PBX3: variants seen among roughly 807,000 people sequenced by gnomAD.
PBX3 encodes pre-B-cell leukemia transcription factor 3.
Under a neutral mutation model 48.5 loss-of-function variants are expected in PBX3, and 14 were observed. The observed-to-expected ratio is 0.29, with a 90% confidence interval of 0.19 to 0.45. The LOEUF (loss-of-function observed/expected upper bound fraction) is 0.45. Ranked by LOEUF, PBX3 falls within the 20% of genes least tolerant of loss-of-function variation. PBX3 has a pLI of 1.00. For synonymous variants in PBX3, 210 were observed against 200.3 expected, an observed-to-expected ratio of 1.05 and a Z score of -0.41; for missense variants, 386 against 546.7, an observed-to-expected ratio of 0.71 and a Z score of 2.93.
intron 5 of PBX3, among the ~76,000 whole-genome samples, chr9:125,952,460 A>C (rs1406588013): frequency 1.3e-5 from 2 of 152,248 alleles, no homozygotes; most frequent in East Asian, 3.8e-4. Context: ...TTGAAACATA[A>C]GATACAATTA....
chr9:125,871,752 T>C (rs1201471405), intron 2 of PBX3, among the ~76,000 whole-genome samples: 2 of 152,194 alleles, frequency 1.3e-5, no homozygotes, highest in Admixed American at 1.3e-4. Flanking sequence ...AGTTTTACTT[T>C]AAAAAAGCTT....
intron 5 of PBX3, among the ~76,000 whole-genome samples, chr9:125,937,345 C>G (rs1490738312): frequency 6.6e-6 from 1 of 151,842 alleles, no homozygotes; most frequent in East Asian, 1.9e-4. Context: ...AACCCACTTA[C>G]CAGTGTGTTT....
intron 2 of PBX3, among the ~76,000 whole-genome samples, chr9:125,791,347 C>CTATCTA (rs1311668136): frequency 6.6e-6 from 1 of 151,036 alleles, no homozygotes; most frequent in African/African-American, 2.5e-5. Flanking sequence ...ATCTATCTAT[C>CTATCTA]TCTGTCAATC....
At chr9:125,857,611 T>C (rs917457950) in intron 2 of PBX3, among the ~76,000 whole-genome samples, 1 of 152,254 alleles carries the variant, frequency 6.6e-6, no homozygotes, top group African/African-American at 2.4e-5. Flanking sequence ...AGTGATATTA[T>C]CTTTATTGTT....
intron 5 of PBX3, among the ~76,000 whole-genome samples, chr9:125,941,470 G>C (rs1183905513): frequency 6.6e-6 from 1 of 152,210 alleles, no homozygotes; most frequent in Non-Finnish European, 1.5e-5. Flanking sequence ...AGGGAAAGCA[G>C]AGCTATCAGT....
intron 2 of PBX3, among the ~76,000 whole-genome samples, chr9:125,840,471 T>C (rs1414661909): frequency 6.6e-6 from 1 of 151,118 alleles, no homozygotes; most frequent in Non-Finnish European, 1.5e-5. Context: ...TTATTACTTA[T>C]ATATGCTTCT....
intron 5 of PBX3, among the ~76,000 whole-genome samples, chr9:125,953,476 CAAA>C (rs35262454): frequency 6.9e-6 from 1 of 144,844 alleles, no homozygotes; most frequent in African/African-American, 2.6e-5. Flanking sequence ...GACCCTGTCT[CAAA>C]AAAAAAAAAA....
intron 5 of PBX3, among the ~76,000 whole-genome samples, chr9:125,939,251 C>T (rs1841907523): frequency 6.6e-6 from 1 of 151,800 alleles, no homozygotes; most frequent in African/African-American, 2.4e-5. Flanking sequence ...TAAGGAACTC[C>T]TATAAATTAA....
chr9:125,929,462 C>CA (rs1178614205), intron 3 of PBX3, among the ~76,000 whole-genome samples, 193 bp from the exon 4 acceptor site: 2 of 152,204 alleles, frequency 1.3e-5, no homozygotes, highest in East Asian at 3.8e-4. Flanking sequence ...CACGTCTGAC[C>CA]ATGCACGGTT....
At chr9:125,873,602 CAAAG>C (rs1840179757) in intron 2 of PBX3, among the ~76,000 whole-genome samples, 2 of 149,548 alleles carry the variant, frequency 1.3e-5, no homozygotes, top group Non-Finnish European at 2.9e-5. Flanking sequence ...ATTCTCAAGT[CAAAG>C]AAATTGTGGA....
At chr9:125,845,874 T>G (rs1839414359) in intron 2 of PBX3, among the ~76,000 whole-genome samples, 1 of 152,058 alleles carries the variant, frequency 6.6e-6, no homozygotes, top group Admixed American at 6.6e-5. Context: ...ATAAATAAAT[T>G]TCCACAAATT....
intron 3 of PBX3, among the ~76,000 whole-genome samples, chr9:125,919,815 C>A (rs1236155909): frequency 6.6e-6 from 1 of 152,154 alleles, no homozygotes; most frequent in Non-Finnish European, 1.5e-5. Context: ...TAAGCACAGC[C>A]ACATTTACAA....
At chr9:125,780,774 C>T (rs1837264445) in intron 2 of PBX3, among the ~76,000 whole-genome samples, 2 of 139,634 alleles carry the variant, frequency 1.4e-5, no homozygotes, top group African/African-American at 2.7e-5. Context: ...GGGCGGGGGG[C>T]TGACCCCCCC....
intron 6 of PBX3, 150 bp from the exon 7 acceptor site, chr9:125,961,952 A>G (rs1035474206): frequency 2.1e-6 from 1 of 468,816 alleles, no homozygotes; most frequent in Non-Finnish European, 3.8e-6. Context: ...AACTCTCTGG[A>G]GTTACTCTCC....
At chr9:125,849,109 G>T (rs1452510775) in intron 2 of PBX3, among the ~76,000 whole-genome samples, 3 of 152,012 alleles carry the variant, frequency 2.0e-5, no homozygotes, top group African/African-American at 4.8e-5. Flanking sequence ...GCTTGCTCCG[G>T]ATCACATGGC....
In PBX3 at chr9:125,943,352, C is replaced by CAAAAAAAA; in HGVS notation, c.843+7785_843+7792dup. Among the ~76,000 whole-genome samples, 90 of 60,878 alleles carry CAAAAAAAA rather than the reference C, an allele frequency of 1.5e-3. 4 individuals carry two copies. The highest frequency in any genetic ancestry group is 2.3e-3 in the Non-Finnish European group (71 of 31,360). 39.9% of individuals were successfully genotyped at this position (60,878 alleles called of 152,430 possible). A position where few individuals can be genotyped will look rare whatever the true frequency, so the allele number is the denominator to read the frequency against. On this transcript the variant is annotated intron_variant, in intron 5 of 8. Coordinates refer to ENST00000373489, the MANE Select transcript of PBX3 (RefSeq NM_006195.6). ...CTTGGGCTGCAGAGTGAGACTGTCT[C>CAAAAAAAA]AAAAAAAAAAAAAAAAAAAAAAAAA...
intron 2 of PBX3, among the ~76,000 whole-genome samples, chr9:125,825,281 C>G (rs879328974): frequency 8.6e-5 from 13 of 151,326 alleles, no homozygotes; most frequent in Non-Finnish European, 1.5e-4. Flanking sequence ...GAGACTCTGT[C>G]CCCCGCAAAA....
chr9:125,761,427 G>T (rs1463537055), intron 2 of PBX3, among the ~76,000 whole-genome samples: 1 of 152,040 alleles, frequency 6.6e-6, no homozygotes, highest in African/African-American at 2.4e-5. Flanking sequence ...ATTCAAGCAA[G>T]AGTTTACTAC....
chr9:125,803,232 C>T (rs1314736910), intron 2 of PBX3, among the ~76,000 whole-genome samples: 1 of 151,330 alleles, frequency 6.6e-6, no homozygotes, highest in African/African-American at 2.4e-5. Flanking sequence ...GGATTATAGG[C>T]ACGGGCCACC....
Sources: gnomAD v4.1 joint callset for allele counts (sites outside exome capture counted in the v4.1 genomes callset) on GRCh38, gnomAD v4.1.1 for gene constraint, MANE v1.5 for transcripts, NCBI Gene and HGNC (gene_info 2026-07-23, HGNC 2026-07-21) for gene names.